The following MIR2052HG variants were observed in gnomAD, a reference collection of about 807,000 sequenced individuals.
The protein encoded by MIR2052HG is MIR2052 host gene.
At chr8:74,757,618 C>T (rs1233633353) in intron 5 of MIR2052HG, 2 of 152,130 alleles carry the variant, frequency 1.3e-5, no homozygotes, top group East Asian at 3.9e-4. Context: ...AATCATTTGC[C>T]AAAGTCATTT....
chr8:74,612,707 ATTAAGTCTTAAAAGTCAT>A, intron 1 of MIR2052HG: 1 of 335,962 alleles, frequency 3.0e-6, no homozygotes, highest in Non-Finnish European at 5.9e-6. Context: ...TACTAGTTTT[ATTAAGTCTTAAAAGTCAT>A]TTTATGCTGT....
At chr8:74,649,378 A>T (rs1238328156) in intron 2 of MIR2052HG, among the ~76,000 whole-genome samples, 1 of 152,156 alleles carries the variant, frequency 6.6e-6, no homozygotes, top group East Asian at 1.9e-4. Context: ...TTAAAAAATA[A>T]TGCTCAGAGT....
chr8:74,745,243 G>T (rs1809871888), intron 4 of MIR2052HG, among the ~76,000 whole-genome samples: 1 of 152,086 alleles, frequency 6.6e-6, no homozygotes, highest in Admixed American at 6.6e-5. Context: ...AGTCTGGGTG[G>T]CAGAGCTAGA....
intron 2 of MIR2052HG, among the ~76,000 whole-genome samples, chr8:74,643,156 T>C (rs1808657299): frequency 6.6e-6 from 1 of 152,192 alleles, no homozygotes; most frequent in African/African-American, 2.4e-5. Flanking sequence ...GGTAGGAATA[T>C]CCAATAATCT....
chr8:74,691,934 A>T (rs1238860469), intron 2 of MIR2052HG, among the ~76,000 whole-genome samples: 1 of 152,108 alleles, frequency 6.6e-6, no homozygotes, highest in African/African-American at 2.4e-5. Context: ...TGCCATCAGT[A>T]GTTGTATCTG....
chr8:74,645,396 C>A (rs148454847), intron 2 of MIR2052HG, among the ~76,000 whole-genome samples: 2,562 of 152,158 alleles, frequency 0.017, 74 homozygotes, highest in African/African-American at 0.059. Context: ...AGCAATTCTC[C>A]TGCCTCAGCC....
chr8:74,710,464 C>T (rs750582828), intron 4 of MIR2052HG, among the ~76,000 whole-genome samples: 1 of 152,026 alleles, frequency 6.6e-6, no homozygotes, highest in Non-Finnish European at 1.5e-5. Context: ...CTGGGTACCA[C>T]GTTTTTAAGT....
At chr8:74,668,763 G>T (rs1357453075) in intron 2 of MIR2052HG, among the ~76,000 whole-genome samples, 1 of 152,188 alleles carries the variant, frequency 6.6e-6, no homozygotes, top group Non-Finnish European at 1.5e-5. Flanking sequence ...ACCTCGCCAA[G>T]GTAAGAACCT....
At chr8:74,734,955 G>C (rs1041287541) in intron 4 of MIR2052HG, among the ~76,000 whole-genome samples, 8 of 152,194 alleles carry the variant, frequency 5.3e-5, no homozygotes, top group African/African-American at 1.9e-4. Flanking sequence ...AGCTACATAT[G>C]TACAATGCTG....
intron 2 of MIR2052HG, among the ~76,000 whole-genome samples, chr8:74,646,512 A>G (rs1268446398): frequency 6.6e-6 from 1 of 152,192 alleles, no homozygotes; most frequent in Non-Finnish European, 1.5e-5. Flanking sequence ...GCAGGGTGTG[A>G]CAGTGAGGAG....
chr8:74,744,969 G>A (rs1251980824), intron 4 of MIR2052HG, among the ~76,000 whole-genome samples: 11 of 152,188 alleles, frequency 7.2e-5, no homozygotes, highest in Middle Eastern at 3.4e-3. Flanking sequence ...AATAGTTTAC[G>A]ACCTCATTAC....
chr8:74,688,806 C>G (rs556444550), intron 2 of MIR2052HG, among the ~76,000 whole-genome samples: 1 of 152,010 alleles, frequency 6.6e-6, no homozygotes, highest in Non-Finnish European at 1.5e-5. Context: ...TTATCCCTCG[C>G]CCCCATCCCA....
At chr8:74,600,439 CG>C (rs1807979348) in intron 1 of MIR2052HG, among the ~76,000 whole-genome samples, 1 of 151,252 alleles carries the variant, frequency 6.6e-6, no homozygotes, top group African/African-American at 2.4e-5. Context: ...CAAAATTAGC[CG>C]GGCGTGGTTG....
At chr8:74,650,907 A>T (rs1034095766) in intron 2 of MIR2052HG, among the ~76,000 whole-genome samples, 1 of 152,204 alleles carries the variant, frequency 6.6e-6, no homozygotes, top group Non-Finnish European at 1.5e-5. Context: ...CTTTTCATAA[A>T]GTGAAATATT....
intron 2 of MIR2052HG, among the ~76,000 whole-genome samples, chr8:74,671,151 T>G (rs150393194): frequency 0.018 from 2,690 of 151,720 alleles, 40 homozygotes; most frequent in Non-Finnish European, 0.026. Flanking sequence ...TGGTGGGTAA[T>G]GCAGGGAAAG....
At chr8:74,675,575 A>G (rs1809042207) in intron 2 of MIR2052HG, among the ~76,000 whole-genome samples, 1 of 151,984 alleles carries the variant, frequency 6.6e-6, no homozygotes, top group African/African-American at 2.4e-5. Flanking sequence ...TTACATTAGG[A>G]TGATGTGAAG....
chr8:74,602,520 CT>C (rs1342781855), intron 1 of MIR2052HG, among the ~76,000 whole-genome samples: 12 of 148,952 alleles, frequency 8.1e-5, no homozygotes, highest in East Asian at 4.0e-4. Flanking sequence ...TTCTTTCTTT[CT>C]TTTTTTTTTT....
intron 2 of MIR2052HG, among the ~76,000 whole-genome samples, chr8:74,679,217 A>G (rs1293968088): frequency 6.6e-6 from 1 of 152,098 alleles, no homozygotes; most frequent in African/African-American, 2.4e-5. Context: ...TACTGTACCC[A>G]GTGAGTAGTC....
intron 2 of MIR2052HG, among the ~76,000 whole-genome samples, chr8:74,697,897 G>A (rs1809314949): frequency 1.3e-5 from 2 of 152,048 alleles, no homozygotes; most frequent in Admixed American, 1.3e-4. Context: ...CTCATGGATG[G>A]GTAGAATCAA....
Sources: allele counts gnomAD v4.1 joint callset (sites outside exome capture counted in the v4.1 genomes callset), GRCh38; gene constraint gnomAD v4.1.1; transcripts MANE v1.5; gene names NCBI Gene and HGNC (gene_info 2026-07-23, HGNC 2026-07-21).